XKR6: variants seen among roughly 807,000 people sequenced by gnomAD.
XKR6 encodes XK related 6, also known as XK-related protein 6.
A neutral mutation model predicts 56.7 loss-of-function variants in XKR6; 22 were observed. The observed-to-expected ratio is 0.39, with a 90% confidence interval of 0.28 to 0.55. The LOEUF (loss-of-function observed/expected upper bound fraction) is 0.55, where lower values mean the gene tolerates loss of function less well. Among genes scored for constraint, XKR6 ranks in the 20% least tolerant of loss-of-function variants. XKR6 has a pLI of 0.66. For synonymous variants in XKR6, 524 were observed against 387.8 expected, an observed-to-expected ratio of 1.35 and a Z score of -4.13; for missense variants, 852 against 889.0, an observed-to-expected ratio of 0.96 and a Z score of 0.53.
rs1167497801 is a variant in XKR6, at chr8:10,898,751, G to A, written c.1127C>T (p.Ala376Val). ...GAGCTGGAAGATGGAAGCAAAGAGGGCAAAAGAGATCACTCGGGATGAGAT... is the reference window on the plus strand; with the variant it reads ...GAGCTGGAAGATGGAAGCAAAGAGGACAAAAGAGATCACTCGGGATGAGAT... Reference protein sequence around the residue: ...FTISSRVISFALFASIFQLYF... With the variant: ...FTISSRVISFVLFASIFQLYF... The change falls in exon 3 of 3, where the codon GCC (alanine) becomes GTC (valine). Residue 376 changes from alanine to valine, a missense_variant. Physicochemically the swap from Ala to Val is moderately conservative, Grantham distance 64 (BLOSUM62 0). Transcript: ENST00000416569. The surrounding 1 kb of genome is among the most constrained non-coding windows in gnomAD (Gnocchi z 6.6). The A allele has an allele frequency of 1.2e-6, 2 of 1,614,010 alleles. No homozygotes were observed. The highest frequency in any genetic ancestry group is 3.3e-5 in the Admixed American group (2 of 59,992).
chr8:10,903,320 C>T (rs771836599), intron 2 of XKR6, among the ~76,000 whole-genome samples: 7 of 152,168 alleles, frequency 4.6e-5, no homozygotes, highest in Non-Finnish European at 7.3e-5. Context: ...GCCTTGAGGA[C>T]AGCCTGTGAA....
At chr8:10,912,053 C>G (rs1437520456) in intron 2 of XKR6, among the ~76,000 whole-genome samples, 1 of 144,428 alleles carries the variant, frequency 6.9e-6, no homozygotes, top group Non-Finnish European at 1.5e-5. Context: ...CATATTTATG[C>G]AGAGAAAGGA....
intron 1 of XKR6, among the ~76,000 whole-genome samples, chr8:11,017,388 T>C (rs2129147627): frequency 6.6e-6 from 1 of 152,360 alleles, no homozygotes; most frequent in South Asian, 2.1e-4. Context: ...CCGGGCAAAC[T>C]GTAAAGTGCT....
intron 1 of XKR6, among the ~76,000 whole-genome samples, chr8:10,993,194 T>G (rs1798032415): frequency 6.6e-6 from 1 of 152,260 alleles, no homozygotes; most frequent in Admixed American, 6.5e-5. Context: ...ACTTTTTGGC[T>G]GGTAGCTCTC....
At chr8:11,069,038 T>C (rs1318248198) in intron 1 of XKR6, among the ~76,000 whole-genome samples, 1 of 151,848 alleles carries the variant, frequency 6.6e-6, no homozygotes, top group South Asian at 2.1e-4. Context: ...ACAAGAGTGA[T>C]TACCGGGCCT....
chr8:11,133,857 C>T (rs941269894), intron 1 of XKR6, among the ~76,000 whole-genome samples: 1 of 152,124 alleles, frequency 6.6e-6, no homozygotes, highest in Non-Finnish European at 1.5e-5. Context: ...CAGACCATGT[C>T]GGCTCCTACT....
intron 1 of XKR6, among the ~76,000 whole-genome samples, chr8:10,950,587 T>A (rs1214187487): frequency 6.6e-6 from 1 of 152,206 alleles, no homozygotes; most frequent in Non-Finnish European, 1.5e-5. Flanking sequence ...AAGAAAGGGA[T>A]GTGTCCCCAC....
At chr8:11,096,615 T>C (rs1374363792) in intron 1 of XKR6, among the ~76,000 whole-genome samples, 1 of 152,220 alleles carries the variant, frequency 6.6e-6, no homozygotes, top group African/African-American at 2.4e-5. Flanking sequence ...GATGGACCGA[T>C]GTTAGTCAAG....
intron 1 of XKR6, among the ~76,000 whole-genome samples, chr8:11,174,532 TCAAA>T (rs1170852603): frequency 8.5e-5 from 13 of 152,212 alleles, no homozygotes; most frequent in Admixed American, 5.9e-4. Context: ...TAGTAGTTAC[TCAAA>T]CAGATTTTTA....
At chr8:10,929,478 C>G (rs1800996255) in intron 1 of XKR6, among the ~76,000 whole-genome samples, 1 of 151,520 alleles carries the variant, frequency 6.6e-6, no homozygotes, top group Non-Finnish European at 1.5e-5. Flanking sequence ...GTTGACTGCT[C>G]CTGCCCACGC....
In XKR6 at chr8:11,127,782, T is replaced by C. The variant is rs189642445; in HGVS notation, c.764+72794A>G. On this transcript the variant is annotated intron_variant, in intron 1 of 2. Coordinates refer to ENST00000416569, the MANE Select transcript of XKR6 (RefSeq NM_173683.4). ...ATGTGCGGTTACATATTTATAGGTC[T>C]GGGGATTGGAATATGGACACTGCGG... Among the ~76,000 whole-genome samples, 3 of 152,330 alleles carry C rather than the reference T, an allele frequency of 2.0e-5. No homozygotes were observed. In the East Asian group the frequency reaches 5.8e-4, roughly 29 times the overall value.
intron 1 of XKR6, among the ~76,000 whole-genome samples, chr8:11,171,354 A>G (rs1202571911): frequency 6.6e-6 from 1 of 152,250 alleles, no homozygotes. Context: ...ACTAATTACC[A>G]GAGATTAAGA....
chr8:11,037,897 C>T (rs1257030888), intron 1 of XKR6, among the ~76,000 whole-genome samples: 3 of 150,142 alleles, frequency 2.0e-5, no homozygotes, highest in Admixed American at 6.6e-5. Context: ...TGTGGTGGCA[C>T]ACACCTATAC....
At chr8:11,037,644 G>C (rs1444789140) in intron 1 of XKR6, among the ~76,000 whole-genome samples, 1 of 152,224 alleles carries the variant, frequency 6.6e-6, no homozygotes, top group Non-Finnish European at 1.5e-5. Flanking sequence ...TGGATCACGA[G>C]GTCAAGAGAT....
intron 1 of XKR6, among the ~76,000 whole-genome samples, chr8:11,068,954 C>T (rs1471715667): frequency 6.6e-6 from 1 of 152,238 alleles, no homozygotes; most frequent in Non-Finnish European, 1.5e-5. Context: ...CCCCAGGCTG[C>T]TCCTTTTCAA....
chr8:11,092,871 C>T (rs1283276347), intron 1 of XKR6, among the ~76,000 whole-genome samples: 1 of 152,152 alleles, frequency 6.6e-6, no homozygotes, highest in Non-Finnish European at 1.5e-5. Context: ...CCAGTCAGTC[C>T]GCCTCATCTT....
chr8:10,970,954 A>G (rs1430876934), intron 1 of XKR6, among the ~76,000 whole-genome samples: 1 of 151,934 alleles, frequency 6.6e-6, no homozygotes, highest in East Asian at 1.9e-4. Context: ...TTATCAGAAA[A>G]TATAACATGT....
chr8:11,155,511 A>G (rs1801479101), intron 1 of XKR6, among the ~76,000 whole-genome samples: 3 of 152,360 alleles, frequency 2.0e-5, no homozygotes, highest in Admixed American at 2.0e-4. Context: ...ATGGAATTCA[A>G]GATCCTCACA....
chr8:11,084,172 G>A (rs1016200050), intron 1 of XKR6, among the ~76,000 whole-genome samples: 1 of 152,186 alleles, frequency 6.6e-6, no homozygotes, highest in Non-Finnish European at 1.5e-5. Flanking sequence ...ACTTCCCACA[G>A]TTTGGTTTAT....
Sources: gnomAD v4.1 joint callset for allele counts (sites outside exome capture counted in the v4.1 genomes callset) on GRCh38, gnomAD v4.1.1 for gene constraint, Gnocchi (gnomAD v3.1) non-coding constraint, MANE v1.5 for transcripts, NCBI Gene and HGNC (gene_info 2026-07-23, HGNC 2026-07-21) for gene names.